Variants in FAM227B observed in about 807,000 individuals in gnomAD.
FAM227B encodes the protein protein FAM227B.
FAM227B carries 88 observed loss-of-function variants against 73.8 expected under a neutral mutation model. The ratio of observed to expected loss-of-function variants is 1.19; its 90% CI spans 1.00 to 1.42. The LOEUF is 1.42. Among genes scored for constraint, FAM227B ranks in the 40% most tolerant of loss-of-function variants. The pLI is 0.00. For synonymous variants in FAM227B, 210 were observed against 190.5 expected, an observed-to-expected ratio of 1.10 and a Z score of -0.84; for missense variants, 632 against 590.9, an observed-to-expected ratio of 1.07 and a Z score of -0.72.
At chr15:49,511,073 A>G (rs529351648) in intron 10 of FAM227B, among the ~76,000 whole-genome samples, 22 of 152,042 alleles carry the variant, frequency 1.4e-4, no homozygotes, top group African/African-American at 5.3e-4. Context: ...CCTCTTTCAA[A>G]CTAGAAACTC....
At chr15:49,594,048 CAGAGTA>C (rs1380200090) in intron 3 of FAM227B, among the ~76,000 whole-genome samples, 2 of 152,094 alleles carry the variant, frequency 1.3e-5, no homozygotes, top group Non-Finnish European at 2.9e-5. Flanking sequence ...TTCACACCAA[CAGAGTA>C]AAAGTGTTCC....
intron 11 of FAM227B, among the ~76,000 whole-genome samples, chr15:49,378,310 T>TA (rs1169183178): frequency 6.6e-6 from 1 of 152,046 alleles, no homozygotes; most frequent in East Asian, 1.9e-4. Context: ...GGTGTTCTTT[T>TA]AGGATTTTTT....
chr15:49,373,578 A>C (rs2045977723), intron 11 of FAM227B, among the ~76,000 whole-genome samples: 1 of 152,140 alleles, frequency 6.6e-6, no homozygotes, highest in Non-Finnish European at 1.5e-5. Flanking sequence ...GTTCTTACTA[A>C]GTCTCCAGAA....
In FAM227B at chr15:49,446,696, T is replaced by C. The variant is rs189157538; in HGVS notation, c.1012+61515A>G. Among the ~76,000 whole-genome samples the C allele has an allele frequency of 2.0e-5, 3 of 151,608 alleles. No individual in the cohort carries two copies. The East Asian group carries it at 5.8e-4, about 29-fold the overall frequency. On this transcript the variant is annotated intron_variant, in intron 11 of 15. Coordinates refer to ENST00000299338, the MANE Select transcript of FAM227B (RefSeq NM_152647.3). ...TGTCCTGTCTAGCTGGAGAATATGA[T>C]GCAAAGAAAGTGGTAACACAGACCT...
chr15:49,537,996 T>C (rs1008557559), intron 10 of FAM227B, among the ~76,000 whole-genome samples: 3 of 152,038 alleles, frequency 2.0e-5, no homozygotes, highest in African/African-American at 4.8e-5. Context: ...AGTCTAAAGA[T>C]CTAATGTACA....
intron 13 of FAM227B, among the ~76,000 whole-genome samples, chr15:49,342,748 G>A (rs2040928239): frequency 6.6e-6 from 1 of 152,104 alleles, no homozygotes; most frequent in Non-Finnish European, 1.5e-5. Context: ...CTTAGTGCTT[G>A]CGTGTCTGGA....
intron 11 of FAM227B, among the ~76,000 whole-genome samples, chr15:49,438,902 A>G (rs991280324): frequency 2.0e-5 from 3 of 151,580 alleles, no homozygotes; most frequent in African/African-American, 7.3e-5. Context: ...AGAGAGAGAA[A>G]AAGAGAGAGA....
Position 49,441,247 on chromosome 15 carries a change from T to TA in FAM227B, c.1012+66963dup, listed in dbSNP as rs1320149459. On this transcript the variant is annotated intron_variant, in intron 11 of 15. Coordinates refer to ENST00000299338, the MANE Select transcript of FAM227B (RefSeq NM_152647.3). ...CAATGTTGCCTGGGTGCCCACAACT[T>TA]AGATTTTCAAATTAAACACTCAATT... 7.2e-5 allele frequency among the ~76,000 whole-genome samples: 11 copies of TA among 151,764 alleles called. No homozygotes were observed. The East Asian group carries it at 2.1e-3, about 30-fold the overall frequency.
At position 49,367,456 on chromosome 15, in the gene FAM227B, G is replaced by C; in HGVS notation, c.1263C>G (p.Phe421Leu). Residue 421 changes from phenylalanine to leucine, a missense_variant, in exon 13 of 16, where the codon TTC (phenylalanine) becomes TTG (leucine). Transcript: ENST00000299338. ...KKTKIKLTKI[F>L]QEPLPAPTYR... ...AGCTTTAAAAAGGATATGGTTCCTG[G>C]AATATCTTAGTGAGTTTAATCTTGG... 1 of 1,577,288 alleles carries C rather than the reference G, an allele frequency of 6.3e-7. No homozygotes were observed. Among genetic ancestry groups the C allele is most frequent in the Non-Finnish European group, 8.5e-7 (1 of 1,170,752 alleles).
intron 10 of FAM227B, among the ~76,000 whole-genome samples, chr15:49,519,197 CCT>C (rs2059604640): frequency 6.6e-6 from 1 of 152,164 alleles, no homozygotes; most frequent in Admixed American, 6.5e-5. Flanking sequence ...CAGCTCCACC[CCT>C]GTGGCTTTGC....
intron 11 of FAM227B, among the ~76,000 whole-genome samples, chr15:49,397,880 C>T (rs1221779997): frequency 6.6e-6 from 1 of 152,172 alleles, no homozygotes. Context: ...CCGGTACCAG[C>T]AGCTGCAAAA....
At chr15:49,514,027 T>C (rs1597779615) in intron 10 of FAM227B, among the ~76,000 whole-genome samples, 1 of 152,114 alleles carries the variant, frequency 6.6e-6, no homozygotes, top group Non-Finnish European at 1.5e-5. Flanking sequence ...AGTCAGGTAG[T>C]GTGATGCCTC....
intron 10 of FAM227B, among the ~76,000 whole-genome samples, chr15:49,540,244 G>A (rs769088726): frequency 1.1e-4 from 17 of 152,140 alleles, no homozygotes; most frequent in Admixed American, 3.3e-4. Context: ...GAAGTCCTTA[G>A]TAGAAAAGGT....
chr15:49,614,639 T>C (rs893205976), intron 2 of FAM227B, among the ~76,000 whole-genome samples: 1 of 152,134 alleles, frequency 6.6e-6, no homozygotes, highest in African/African-American at 2.4e-5. Context: ...CTTATCTGAG[T>C]TCCTTTCCCA....
chr15:49,422,416 A>T, intron 11 of FAM227B: 1 of 577,922 alleles, frequency 1.7e-6, no homozygotes, highest in Non-Finnish European at 2.5e-6. Flanking sequence ...CTCTAAATTA[A>T]CATTTATTGT....
At chr15:49,360,804 G>A (rs2044090163) in intron 13 of FAM227B, among the ~76,000 whole-genome samples, 1 of 152,072 alleles carries the variant, frequency 6.6e-6, no homozygotes, top group Admixed American at 6.6e-5. Flanking sequence ...TAGTAAACAA[G>A]TTTATCATCC....
chr15:49,465,304 CTT>C (rs67362920), intron 11 of FAM227B, among the ~76,000 whole-genome samples: 5 of 140,550 alleles, frequency 3.6e-5, no homozygotes, highest in Admixed American at 7.1e-5. Context: ...TTTTCTTTTT[CTT>C]TTTTTTTTTT....
chr15:49,344,701 G>A (rs1187671791), intron 13 of FAM227B, among the ~76,000 whole-genome samples: 4 of 152,188 alleles, frequency 2.6e-5, no homozygotes, highest in African/African-American at 9.6e-5. Context: ...TGCAATCTCA[G>A]TTATGCCAGG....
intron 11 of FAM227B, among the ~76,000 whole-genome samples, chr15:49,506,679 A>G (rs1184869947): frequency 6.6e-6 from 1 of 152,028 alleles, no homozygotes; most frequent in Non-Finnish European, 1.5e-5. Flanking sequence ...AAATTAAACA[A>G]TACTTTTCTA....
Sources: allele counts gnomAD v4.1 joint callset (sites outside exome capture counted in the v4.1 genomes callset), GRCh38; gene constraint gnomAD v4.1.1; transcripts MANE v1.5; gene names NCBI Gene and HGNC (gene_info 2026-07-23, HGNC 2026-07-21).